The following SPIB variants were observed in gnomAD, a reference collection of about 807,000 sequenced individuals.
SPIB encodes Spi-B transcription factor, also known as transcription factor Spi-B.
Under a neutral mutation model 31.9 loss-of-function variants are expected in SPIB, and 7 were observed. The observed-to-expected ratio is 0.22, with a 90% CI of 0.12 to 0.41. The LOEUF is 0.41. SPIB is among the 10% of genes least tolerant of loss of function. The pLI is 1.00. For missense variants in SPIB, 327 were observed against 360.2 expected, an observed-to-expected ratio of 0.91 and a Z score of 0.75; for synonymous variants, 176 against 158.9, an observed-to-expected ratio of 1.11 and a Z score of -0.81.
In SPIB at chr19:50,423,587, G is replaced by A; in HGVS notation, c.340-18G>A. On this transcript the variant is annotated intron_variant, in intron 4 of 5. Transcript: ENST00000595883. ...ACAAGGGGTCCCTGGACATGCAGGT[G>A]ACCCTGACCTTCCGCAGACCCTGGT... 6.2e-7 allele frequency: 1 copy of A among 1,610,522 alleles called. No individual in the cohort carries two copies. The highest frequency in any genetic ancestry group is 8.5e-7 in the Non-Finnish European group (1 of 1,177,724).
chr19:50,422,866 C>A lies in SPIB; in HGVS notation c.168C>A (p.Thr56=), dbSNP rs758438087. 1 of 1,608,008 alleles carries A rather than the reference C, an allele frequency of 6.2e-7. No individual in the cohort carries two copies. The highest frequency in any genetic ancestry group is 8.5e-7 in the Non-Finnish European group (1 of 1,176,984). The change falls in exon 4 of 6, where the codon ACC becomes ACA. Residue 56 remains threonine (T), a synonymous_variant. Coordinates refer to ENST00000595883, the MANE Select transcript of SPIB (RefSeq NM_003121.5). ...DWTVAPPVPA[T]PYEAFDPAAA... is the part of the protein sequence containing the mutation. ...CTGTGGCCCCACCTGTCCCAGCCAC[C>A]CCCTATGAAGCCTTCGACCCGGCAG...
intron 5 of SPIB, among the ~76,000 whole-genome samples, chr19:50,425,836 A>G (rs545175972): frequency 1.9e-4 from 29 of 152,210 alleles, no homozygotes; most frequent in African/African-American, 6.3e-4. Context: ...GCAGGGAGGG[A>G]GAGAGAGAGG....
At position 50,422,844 on chromosome 19, in the gene SPIB, T is replaced by C. The variant is rs2039513779; in HGVS notation, c.146T>C (p.Val49Ala). The C allele has an allele frequency of 2.5e-6, 4 of 1,588,918 alleles. No individual in the cohort carries two copies. Among genetic ancestry groups the C allele is most frequent in the Non-Finnish European group, 2.6e-6 (3 of 1,167,978 alleles). Residue 49 changes from valine (V) to alanine (A), a missense_variant, in exon 4 of 6, where the codon GTG becomes GCG. Physicochemically the swap from Val to Ala is moderately conservative, Grantham distance 64 (BLOSUM62 0). Transcript: ENST00000595883. ...CCAGACTCCCTGTGGGACTGGACTG[T>C]GGCCCCACCTGTCCCAGCCACCCCC... ...GAPDSLWDWT[V>A]APPVPATPYE...
At chr19:50,424,309 C>T (rs2039539165) in intron 5 of SPIB, among the ~76,000 whole-genome samples, 1 of 152,160 alleles carries the variant, frequency 6.6e-6, no homozygotes, top group Non-Finnish European at 1.5e-5. Flanking sequence ...TGTAAAGTGC[C>T]TTGTGAAGCA....
Position 50,423,018 on chromosome 19 carries a change from C to A in SPIB, c.320C>A (p.Thr107Lys). The change falls in exon 4 of 6, where the codon ACG (threonine) becomes AAG (lysine). Residue 107 changes from threonine to lysine, a missense_variant. This residue lies in a region of SPIB where 238 missense variants were observed against 228.8 expected (regional missense o/e 1.04). Transcript: ENST00000595883. ...GGGCCTGGCCTCCCTGCATACCCCA[C>A]GGAGAACTTCGCTAGCCAGGTGAGT... ...APGPGLPAYPTENFASQTLVP... is the reference protein window; with the variant it reads ...APGPGLPAYPKENFASQTLVP... 1.3e-6 allele frequency: 2 copies of A among 1,483,994 alleles called. No homozygotes were observed. Among genetic ancestry groups the A allele is most frequent in the Non-Finnish European group, 1.8e-6 (2 of 1,102,700 alleles). 91.9% of individuals were successfully genotyped at this position (1,483,994 alleles called of 1,614,324 possible).
intron 4 of SPIB, 80 bp from the exon 5 acceptor site, chr19:50,423,525 G>T: frequency 1.3e-6 from 2 of 1,544,480 alleles, no homozygotes; most frequent in Non-Finnish European, 1.8e-6. Flanking sequence ...AGCCAGGAGG[G>T]CCACCGCCTT....
Position 50,431,016 on chromosome 19 carries a change from AAATGTGG to A in SPIB, c.*2684_*2690del, listed in dbSNP as rs1367088818. 6.6e-6 allele frequency: 1 copy of A among 152,218 alleles called. No homozygotes were observed. The highest frequency in any genetic ancestry group is 2.4e-5 in the African/African-American group (1 of 41,454). The allele number at this position is 152,218 out of a possible 1,614,324, so 9.4% of individuals were successfully genotyped here. On this transcript the variant is annotated 3_prime_UTR_variant, in exon 6 of 6. Coordinates refer to ENST00000595883, the MANE Select transcript of SPIB (RefSeq NM_003121.5). ...TTACAAAAGCTATCATTGTCACCCT[AAATGTGG>A]AATAAAATAAGATGCATCGACGTAG...
intron 2 of SPIB, among the ~76,000 whole-genome samples, chr19:50,421,046 CTCTA>C (rs1276160000): frequency 3.3e-5 from 5 of 152,302 alleles, no homozygotes; most frequent in Non-Finnish European, 5.9e-5. Context: ...CTGTATAGTA[CTCTA>C]TCTATGATCA....
chr19:50,422,035 CCA>C (rs1341116860), intron 2 of SPIB, among the ~76,000 whole-genome samples: 2 of 152,268 alleles, frequency 1.3e-5, no homozygotes, highest in African/African-American at 4.8e-5. Context: ...CAGGCGTGAG[CCA>C]CCACGCCTGG....
intron 5 of SPIB, among the ~76,000 whole-genome samples, chr19:50,425,600 C>T (rs947907966): frequency 3.9e-5 from 6 of 152,146 alleles, no homozygotes; most frequent in African/African-American, 1.4e-4. Context: ...ACCACCACAC[C>T]TGACTAATTT....
At chr19:50,423,525 G>C in intron 4 of SPIB, 80 bp from the exon 5 acceptor site, 1 of 1,544,480 alleles carries the variant, frequency 6.5e-7, no homozygotes, top group South Asian at 1.2e-5. Context: ...AGCCAGGAGG[G>C]CCACCGCCTT....
At chr19:50,422,755 T>C (rs2039512525) in intron 3 of SPIB, 68 bp from the exon 4 acceptor site, 1 of 1,175,892 alleles carries the variant, frequency 8.5e-7, no homozygotes, top group Non-Finnish European at 1.2e-6. Flanking sequence ...CTCTCTGTGC[T>C]GGGGGCTTCG....
At chr19:50,419,650 C>T (rs939677977) in intron 1 of SPIB, among the ~76,000 whole-genome samples, 10 of 152,204 alleles carry the variant, frequency 6.6e-5, no homozygotes, top group African/African-American at 2.4e-4. Flanking sequence ...CCCAGGCCCC[C>T]TCTCCATCCC....
At chr19:50,419,890 G>T (rs1445298204) in intron 1 of SPIB, 56 bp from the exon 2 acceptor site, 1 of 1,518,438 alleles carries the variant, frequency 6.6e-7, no homozygotes, top group East Asian at 2.8e-5. Flanking sequence ...CAACCACTTT[G>T]AGATTCAGGT....
chr19:50,424,903 G>C (rs766734166), intron 5 of SPIB, among the ~76,000 whole-genome samples: 39 of 151,930 alleles, frequency 2.6e-4, no homozygotes, highest in Non-Finnish European at 3.8e-4. Flanking sequence ...AGGTTGCAGT[G>C]AGCTGAGATT....
rs1410271845 is a variant in SPIB at position 50,429,321 on chromosome 19, C to G, written c.*985C>G. ...CAGAAGTCTCAAGGTCGTCACCCCC[C>G]TGCCCCCCAACCGAGGCCCCGGTCG... is the stretch of plus-strand genomic sequence containing the variant. On this transcript the variant is annotated 3_prime_UTR_variant, in exon 6 of 6. Coordinates refer to ENST00000595883, the MANE Select transcript of SPIB (RefSeq NM_003121.5). The G allele has an allele frequency of 2.6e-5, 4 of 152,672 alleles. No individual in the cohort carries two copies. Among genetic ancestry groups the G allele is most frequent in the African/African-American group, 9.7e-5 (4 of 41,436 alleles). The allele number at this position is 152,672 out of a possible 1,614,324, so 9.5% of individuals were successfully genotyped here. A position where few individuals can be genotyped will look rare whatever the true frequency, so the allele number is the denominator to read the frequency against.
At chr19:50,419,833 C>T (rs2039468861) in intron 1 of SPIB, 113 bp from the exon 2 acceptor site, 2 of 1,135,880 alleles carry the variant, frequency 1.8e-6, no homozygotes, top group Non-Finnish European at 2.4e-6. Context: ...TGGTCCCTCA[C>T]ACAGGGCTGC....
rs539006108 is a variant in SPIB at position 50,421,052 on chromosome 19, C to G, written c.51+1079C>G. 4.6e-5 allele frequency among the ~76,000 whole-genome samples: 7 copies of G among 152,362 alleles called. No individual in the cohort carries two copies. The South Asian group carries it at 6.2e-4, about 14-fold the overall frequency. The stretch of plus-strand genomic sequence containing the variant: ...TTTTCCTTGCTGTATAGTACTCTAT[C>G]TATGATCAGCCCACACCACAGTCTG... On this transcript the variant is annotated intron_variant, in intron 2 of 5. Coordinates refer to ENST00000595883, the MANE Select transcript of SPIB (RefSeq NM_003121.5).
intron 5 of SPIB, 63 bp from the exon 6 acceptor site, chr19:50,427,975 T>G (rs1170174235): frequency 5.0e-6 from 7 of 1,394,248 alleles, no homozygotes; most frequent in Admixed American, 3.1e-5. Flanking sequence ...CGGAGGAGGG[T>G]GGATGGGGAA....
Sources: allele counts gnomAD v4.1 joint callset (sites outside exome capture counted in the v4.1 genomes callset), GRCh38; gene constraint gnomAD v4.1.1; regional missense constraint gnomAD v4.1.1; transcripts MANE v1.5; gene names NCBI Gene and HGNC (gene_info 2026-07-23, HGNC 2026-07-21).